Variants in PRKD1 observed in about 807,000 individuals in gnomAD.
The protein encoded by PRKD1 is serine/threonine-protein kinase D1.
In PRKD1, 63 loss-of-function variants were observed where a neutral mutation model predicts 95.9. The observed-to-expected ratio is 0.66, with a 90% CI of 0.54 to 0.81. The LOEUF (loss-of-function observed/expected upper bound fraction) is 0.81, where lower values mean the gene tolerates loss of function less well. PRKD1 is among the 30% of genes least tolerant of loss of function. The pLI is 0.00. For missense variants in PRKD1, 1,048 were observed against 1,165.3 expected (o/e 0.90, Z 1.47); for synonymous variants, 425 against 423.1 (o/e 1.00, Z -0.05).
chr14:29,900,824 G>A (rs1894294057), intron 1 of PRKD1, among the ~76,000 whole-genome samples: 1 of 151,998 alleles, frequency 6.6e-6, no homozygotes, highest in African/African-American at 2.4e-5. Context: ...AACAACTTTA[G>A]AAAGTCAAAA....
At chr14:29,773,328 C>T (rs1255030216) in intron 1 of PRKD1, among the ~76,000 whole-genome samples, 7 of 151,946 alleles carry the variant, frequency 4.6e-5, no homozygotes, top group Admixed American at 4.6e-4. Context: ...GGCATGGTGG[C>T]ACGTGCCGGT....
intron 1 of PRKD1, among the ~76,000 whole-genome samples, chr14:29,773,593 C>A (rs1202721416): frequency 6.6e-6 from 1 of 151,978 alleles, no homozygotes; most frequent in Non-Finnish European, 1.5e-5. Flanking sequence ...CTCATCAGAT[C>A]TGTTTGTTGA....
chr14:29,663,925 G>C (rs45536441), intron 3 of PRKD1, 66 bp from the exon 4 acceptor site: 5 of 1,474,980 alleles, frequency 3.4e-6, no homozygotes, highest in Non-Finnish European at 4.7e-6. Context: ...CAATATTAGT[G>C]TAAAGTAGAA....
chr14:29,581,685 T>C (rs530094328), intron 16 of PRKD1, among the ~76,000 whole-genome samples: 1 of 152,340 alleles, frequency 6.6e-6, no homozygotes, highest in South Asian at 2.1e-4. Flanking sequence ...ACATTCTTAG[T>C]TATGTTTCCA....
intron 2 of PRKD1, among the ~76,000 whole-genome samples, chr14:29,676,033 A>G (rs1001536384): frequency 2.0e-5 from 3 of 151,262 alleles, no homozygotes; most frequent in African/African-American, 7.3e-5. Context: ...AATGTAAATG[A>G]CGCGTTAATG....
At chr14:29,918,525 C>T (rs954084318) in intron 1 of PRKD1, among the ~76,000 whole-genome samples, 1 of 152,078 alleles carries the variant, frequency 6.6e-6, no homozygotes, top group Non-Finnish European at 1.5e-5. Flanking sequence ...AAATACTTGC[C>T]GTAACACAAG....
chr14:29,688,007 A>G (rs916904178), intron 2 of PRKD1, among the ~76,000 whole-genome samples: 1 of 152,230 alleles, frequency 6.6e-6, no homozygotes, highest in African/African-American at 2.4e-5. Flanking sequence ...CACAGAGTCC[A>G]GGAAGTCAGA....
intron 16 of PRKD1, among the ~76,000 whole-genome samples, chr14:29,596,585 C>T (rs1893314376): frequency 6.6e-6 from 1 of 152,182 alleles, no homozygotes; most frequent in African/African-American, 2.4e-5. Flanking sequence ...TCCTGAGTAG[C>T]AGGGACTACA....
chr14:29,681,770 C>A (rs1883552150), intron 2 of PRKD1, among the ~76,000 whole-genome samples: 1 of 152,194 alleles, frequency 6.6e-6, no homozygotes, highest in Non-Finnish European at 1.5e-5. Flanking sequence ...GTCATAGTTA[C>A]ATTGTCCTGT....
At chr14:29,789,036 G>A (rs1205720455) in intron 1 of PRKD1, among the ~76,000 whole-genome samples, 3 of 151,986 alleles carry the variant, frequency 2.0e-5, no homozygotes, top group Non-Finnish European at 4.4e-5. Flanking sequence ...ATAGGTGTGC[G>A]CTACTATGCC....
chr14:29,640,518 T>C (rs1410888836), intron 4 of PRKD1, among the ~76,000 whole-genome samples: 1 of 152,228 alleles, frequency 6.6e-6, no homozygotes, highest in African/African-American at 2.4e-5. Context: ...AGCATAATTA[T>C]TCTGGAAAGG....
intron 4 of PRKD1, among the ~76,000 whole-genome samples, chr14:29,647,863 A>G (rs1199603737): frequency 1.3e-5 from 2 of 152,194 alleles, no homozygotes; most frequent in African/African-American, 4.8e-5. Flanking sequence ...GACAAAGAAA[A>G]CAGATGCCTT....
chr14:29,911,088 TTG>T (rs1341133034), intron 1 of PRKD1, among the ~76,000 whole-genome samples: 1 of 152,138 alleles, frequency 6.6e-6, no homozygotes, highest in Non-Finnish European at 1.5e-5. Flanking sequence ...TAATTTTGGC[TTG>T]TGTGTGTGGT....
At chr14:29,800,068 G>A (rs975064013) in intron 1 of PRKD1, among the ~76,000 whole-genome samples, 1 of 151,914 alleles carries the variant, frequency 6.6e-6, no homozygotes, top group African/African-American at 2.4e-5. Flanking sequence ...TTCAGGCATG[G>A]GTTTGACCGC....
At chr14:29,924,259 TAA>T (rs1895221626) in intron 1 of PRKD1, among the ~76,000 whole-genome samples, 1 of 152,236 alleles carries the variant, frequency 6.6e-6, no homozygotes, top group South Asian at 2.1e-4. Context: ...TTTACTTATA[TAA>T]GTCAGTATAT....
intron 1 of PRKD1, among the ~76,000 whole-genome samples, chr14:29,781,496 T>C (rs1889042307): frequency 6.6e-6 from 1 of 152,174 alleles, no homozygotes; most frequent in African/African-American, 2.4e-5. Flanking sequence ...ATGAAACTAC[T>C]AAAGTTGCAG....
At chr14:29,647,861 A>G (rs1216640288) in intron 4 of PRKD1, among the ~76,000 whole-genome samples, 1 of 152,192 alleles carries the variant, frequency 6.6e-6, no homozygotes, top group Non-Finnish European at 1.5e-5. Flanking sequence ...CGGACAAAGA[A>G]AACAGATGCC....
intron 1 of PRKD1, among the ~76,000 whole-genome samples, chr14:29,802,021 C>T (rs1334498340): frequency 6.6e-6 from 1 of 151,710 alleles, no homozygotes; most frequent in Non-Finnish European, 1.5e-5. Context: ...TAATCTCAGA[C>T]ATTAATACAT....
chr14:29,743,371 A>C (rs2139438500), intron 1 of PRKD1, among the ~76,000 whole-genome samples: 1 of 152,282 alleles, frequency 6.6e-6, no homozygotes, highest in East Asian at 1.9e-4. Flanking sequence ...GGTATATATA[A>C]AAATTAAAAC....
Sources: gnomAD v4.1 joint callset for allele counts (sites outside exome capture counted in the v4.1 genomes callset) on GRCh38, gnomAD v4.1.1 for gene constraint, MANE v1.5 for transcripts, NCBI Gene and HGNC (gene_info 2026-07-23, HGNC 2026-07-21) for gene names.